TMEM132B: variants seen among roughly 807,000 people sequenced by gnomAD.
TMEM132B encodes transmembrane protein 132B.
TMEM132B carries 18 observed loss-of-function variants against 90.8 expected under a neutral mutation model. That is an observed-to-expected ratio of 0.20 (90% CI 0.14 to 0.29). The LOEUF (loss-of-function observed/expected upper bound fraction) is 0.29, where lower values mean the gene tolerates loss of function less well. TMEM132B is among the 10% of genes least tolerant of loss of function. The probability of loss-of-function intolerance (pLI) is 1.00; values close to 1 mark genes in which losing one functional copy is unlikely to be tolerated. For missense variants in TMEM132B, 1,096 were observed against 1,326.8 expected, an observed-to-expected ratio of 0.83 and a Z score of 2.70; for synonymous variants, 504 against 523.3, an observed-to-expected ratio of 0.96 and a Z score of 0.50.
chr12:125,589,200 A>T (rs1703053175), intron 5 of TMEM132B, among the ~76,000 whole-genome samples: 1 of 152,100 alleles, frequency 6.6e-6, no homozygotes, highest in South Asian at 2.1e-4. Context: ...GAAATACCTG[A>T]GGCCGGGCAC....
At chr12:125,485,111 T>C (rs1882166169) in intron 3 of TMEM132B, among the ~76,000 whole-genome samples, 1 of 152,176 alleles carries the variant, frequency 6.6e-6, no homozygotes, top group Non-Finnish European at 1.5e-5. Flanking sequence ...GGCCAAAAGA[T>C]AGTCTCAGGG....
rs952716882 is a variant in TMEM132B at position 125,460,920 on chromosome 12, C to T, written c.1106+45243C>T. Among the ~76,000 whole-genome samples the T allele has an allele frequency of 1.3e-5, 2 of 152,284 alleles. No homozygotes were observed. Among genetic ancestry groups the T allele is most frequent in the Admixed American group, 1.3e-4 (2 of 15,304 alleles). On this transcript the variant is annotated intron_variant, in intron 3 of 8. Coordinates refer to ENST00000682704, the MANE Select transcript of TMEM132B (RefSeq NM_001366854.1). This position sits in a 1 kb window ranked among gnomAD's most constrained non-coding sequence, Gnocchi z 4.4. ...TAAAAAAGATCTTTACAATTTTGCT[C>T]CTCTCAGAAAGTTATTTTTGTCTTC...
intron 1 of TMEM132B, among the ~76,000 whole-genome samples, chr12:125,344,354 A>T (rs1024600699): frequency 1.3e-5 from 2 of 152,206 alleles, no homozygotes; most frequent in African/African-American, 4.8e-5. Flanking sequence ...CCATCTGGGG[A>T]TGGTAAAGTG....
At position 125,349,669 on chromosome 12, in the gene TMEM132B, A is replaced by G. The variant is rs1877492427; in HGVS notation, c.285A>G (p.Pro95=). The G allele has an allele frequency of 1.2e-6, 2 of 1,614,110 alleles. No homozygotes were observed. The highest frequency in any genetic ancestry group is 1.7e-6 in the Non-Finnish European group (2 of 1,180,006). Residue 95 remains proline, a synonymous_variant, in exon 2 of 9, where the codon CCA becomes CCG. Coordinates refer to ENST00000682704, the MANE Select transcript of TMEM132B (RefSeq NM_001366854.1). This position sits in a 1 kb window ranked among gnomAD's most constrained non-coding sequence, Gnocchi z 4.1. ...CTATTATCAATGCCAGCTATGGCCC[A>G]TTTTCAGTGGAGAAGATAATCCCCC... The part of the protein sequence containing the change: ...TPPIINASYG[P]FSVEKIIPQE...
At chr12:125,258,292 A>G (rs967898473) in intron 1 of TMEM132B, among the ~76,000 whole-genome samples, 2 of 152,182 alleles carry the variant, frequency 1.3e-5, no homozygotes, top group Admixed American at 6.5e-5. Context: ...CTCAGGTTCT[A>G]TGAGTTGGGA....
intron 1 of TMEM132B, among the ~76,000 whole-genome samples, chr12:125,230,522 C>T (rs1019474642): frequency 6.6e-6 from 1 of 151,918 alleles, no homozygotes; most frequent in Non-Finnish European, 1.5e-5. Context: ...GCTCTGTTGC[C>T]CAGGCTGGAG....
chr12:125,608,233 T>A (rs1317505145), intron 5 of TMEM132B, among the ~76,000 whole-genome samples: 1 of 152,230 alleles, frequency 6.6e-6, no homozygotes, highest in Non-Finnish European at 1.5e-5. Context: ...TCCAGTTTCT[T>A]CATATCCTCT....
intron 5 of TMEM132B, among the ~76,000 whole-genome samples, chr12:125,642,131 C>T (rs1013887534): frequency 6.6e-6 from 1 of 152,178 alleles, no homozygotes; most frequent in African/African-American, 2.4e-5. Flanking sequence ...TGCAATGCTT[C>T]CTTGGGAAGG....
Position 125,186,500 on chromosome 12 carries a change from CGGCGGCGGG to C in TMEM132B, c.-296_-288del, listed in dbSNP as rs1377046373. 6.8e-6 allele frequency among the ~76,000 whole-genome samples: 1 copy of C among 146,448 alleles called. No homozygotes were observed. Among genetic ancestry groups the C allele is most frequent in the African/African-American group, 2.4e-5 (1 of 40,870 alleles). On this transcript the variant is annotated 5_prime_UTR_variant, in exon 1 of 9. Transcript: ENST00000682704. This position sits in a 1 kb window ranked among gnomAD's most constrained non-coding sequence, Gnocchi z 6.3. The stretch of plus-strand genomic sequence containing the variant: ...TGGGGCGCAGGAGCCGCGGCGGCGG[CGGCGGCGGG>C]GGCCGCGCAACTCGGGCCAACTGCG...
At chr12:125,391,988 A>G (rs1341383744) in intron 2 of TMEM132B, among the ~76,000 whole-genome samples, 1 of 152,172 alleles carries the variant, frequency 6.6e-6, no homozygotes, top group African/African-American at 2.4e-5. Flanking sequence ...CTGGTCTCCC[A>G]ACTCCTGAGC....
At chr12:125,360,791 T>G in intron 2 of TMEM132B, among the ~76,000 whole-genome samples, 1 of 151,380 alleles carries the variant, frequency 6.6e-6, no homozygotes, top group East Asian at 1.9e-4. Flanking sequence ...GGTGTGTGGG[T>G]AGGGCAGTAT....
At chr12:125,345,403 T>C (rs888808367) in intron 1 of TMEM132B, among the ~76,000 whole-genome samples, 1 of 152,216 alleles carries the variant, frequency 6.6e-6, no homozygotes, top group African/African-American at 2.4e-5. Context: ...CAGGGATTCA[T>C]GTCCCACCAG....
chr12:125,255,862 C>T (rs1874428186), intron 1 of TMEM132B, among the ~76,000 whole-genome samples: 2 of 152,208 alleles, frequency 1.3e-5, no homozygotes, highest in African/African-American at 4.8e-5. Context: ...GCTGTCACAG[C>T]GACTGATTGT....
rs1352101057 is a variant in TMEM132B, at chr12:125,349,685, A to T, written c.301A>T (p.Ile101Leu). The T allele has an allele frequency of 3.1e-6, 5 of 1,614,174 alleles. No homozygotes were observed. In the Admixed American group the frequency reaches 6.7e-5, roughly 22 times the overall value. ...ASYGPFSVEK[I>L]IPQELLLTST... ...CTATGGCCCATTTTCAGTGGAGAAG[A>T]TAATCCCCCAGGAGCTCCTGTTGAC... Residue 101 changes from isoleucine (I) to leucine (L), a missense_variant, in exon 2 of 9, where the codon ATA (isoleucine) becomes TTA (leucine). Physicochemically the swap from Ile to Leu is conservative, Grantham distance 5. Transcript: ENST00000682704. The surrounding 1 kb of genome is among the most constrained non-coding windows in gnomAD (Gnocchi z 4.1).
intron 5 of TMEM132B, among the ~76,000 whole-genome samples, chr12:125,599,220 G>A (rs543784976): frequency 6.6e-6 from 1 of 152,220 alleles, no homozygotes; most frequent in African/African-American, 2.4e-5. Context: ...TTTATAAAGG[G>A]CAGTTCCCCT....
chr12:125,284,699 C>T (rs1875300343), intron 1 of TMEM132B, among the ~76,000 whole-genome samples: 3 of 152,134 alleles, frequency 2.0e-5, no homozygotes, highest in Admixed American at 2.0e-4. Context: ...CTGTTATAAA[C>T]GATGCTGCAG....
At chr12:125,644,757 C>A (rs1886717170) in intron 6 of TMEM132B, among the ~76,000 whole-genome samples, 1 of 152,146 alleles carries the variant, frequency 6.6e-6, no homozygotes, top group Non-Finnish European at 1.5e-5. Flanking sequence ...CCGCGCCGGG[C>A]AAGACTCTTC....
At position 125,350,231 on chromosome 12, in the gene TMEM132B, T is replaced by C; in HGVS notation, c.847T>C (p.Leu283=). 6.2e-7 allele frequency: 1 copy of C among 1,614,098 alleles called. No homozygotes were observed. Among genetic ancestry groups the C allele is most frequent in the South Asian group, 1.1e-5 (1 of 91,060 alleles). The part of the protein sequence containing the change: ...QDDLKWSLVS[L]DENVVISVPL... ...TGATCTGAAGTGGTCCCTGGTGAGC[T>C]TGGACGAGAATGTGGTCATCTCGGT... Residue 283 remains leucine (L), a synonymous_variant, in exon 2 of 9, where the codon TTG becomes CTG. Coordinates refer to ENST00000682704, the MANE Select transcript of TMEM132B (RefSeq NM_001366854.1).
intron 4 of TMEM132B, among the ~76,000 whole-genome samples, chr12:125,544,158 A>G (rs1884028922): frequency 6.6e-6 from 1 of 152,162 alleles, no homozygotes; most frequent in Non-Finnish European, 1.5e-5. Flanking sequence ...GTGAGAACAC[A>G]TGGAGGGGAA....
Sources: gnomAD v4.1 joint callset for allele counts (sites outside exome capture counted in the v4.1 genomes callset) on GRCh38, gnomAD v4.1.1 for gene constraint, Gnocchi (gnomAD v3.1) non-coding constraint, MANE v1.5 for transcripts, NCBI Gene and HGNC (gene_info 2026-07-23, HGNC 2026-07-21) for gene names.